SUPT3H: variants seen among roughly 807,000 people sequenced by gnomAD.
SUPT3H encodes the protein transcription initiation protein SPT3 homolog.
In SUPT3H, 44 loss-of-function variants were observed where a neutral mutation model predicts 44.3. The ratio of observed to expected loss-of-function variants is 0.99; its 90% CI spans 0.78 to 1.28. The LOEUF (loss-of-function observed/expected upper bound fraction) is 1.28, where lower values mean the gene tolerates loss of function less well. Ranked by LOEUF, SUPT3H falls within the 50% of genes most tolerant of loss-of-function variation. SUPT3H has a pLI of 0.00. For missense variants in SUPT3H, 380 were observed against 387.1 expected (o/e 0.98, Z 0.15); for synonymous variants, 124 against 125.6 (o/e 0.99, Z 0.09).
intron 2 of SUPT3H, among the ~76,000 whole-genome samples, chr6:45,189,841 T>C (rs1169957734): frequency 6.6e-6 from 1 of 152,156 alleles, no homozygotes; most frequent in Non-Finnish European, 1.5e-5. Context: ...TCCCAAGTTA[T>C]ATGTAACACA....
intron 10 of SUPT3H, among the ~76,000 whole-genome samples, chr6:44,876,572 G>T (rs77726179): frequency 6.7e-6 from 1 of 149,010 alleles, no homozygotes; most frequent in Admixed American, 6.7e-5. Flanking sequence ...GTTAGTGGGT[G>T]CAGCGCACCA....
chr6:45,367,864 G>A (rs1184244992), intron 1 of SUPT3H, among the ~76,000 whole-genome samples: 2 of 152,086 alleles, frequency 1.3e-5, no homozygotes, highest in Admixed American at 1.3e-4. Flanking sequence ...TCAAACAGGT[G>A]AATAACATTT....
intron 2 of SUPT3H, among the ~76,000 whole-genome samples, chr6:45,203,413 C>CCAG (rs1762726089): frequency 6.6e-6 from 1 of 152,086 alleles, no homozygotes; most frequent in African/African-American, 2.4e-5. Context: ...CTTTAGTTCC[C>CCAG]CAGCAGCACC....
chr6:45,229,496 T>C (rs1368629910), intron 2 of SUPT3H, among the ~76,000 whole-genome samples: 2 of 152,164 alleles, frequency 1.3e-5, no homozygotes, highest in South Asian at 2.1e-4. Flanking sequence ...TGAGTACTTA[T>C]TACATTCCAG....
At chr6:44,927,957 CCATAGCTA>C (rs1769795391) in intron 10 of SUPT3H, among the ~76,000 whole-genome samples, 1 of 152,044 alleles carries the variant, frequency 6.6e-6, no homozygotes, top group South Asian at 2.1e-4. Context: ...AAAAAATATA[CCATAGCTA>C]CTACTACTTC....
intron 10 of SUPT3H, among the ~76,000 whole-genome samples, chr6:44,901,532 CA>C (rs1765053066): frequency 1.3e-5 from 2 of 151,662 alleles, no homozygotes; most frequent in South Asian, 4.2e-4. Context: ...GTGAAAAGAC[CA>C]AATCTACGTC....
intron 2 of SUPT3H, among the ~76,000 whole-genome samples, chr6:45,235,029 A>G (rs965158614): frequency 2.0e-5 from 3 of 152,230 alleles, no homozygotes; most frequent in African/African-American, 7.2e-5. Context: ...GATTTAGGAA[A>G]AAAATGACAC....
intron 10 of SUPT3H, among the ~76,000 whole-genome samples, chr6:44,920,015 A>T (rs746091597): frequency 3.3e-5 from 5 of 151,994 alleles, no homozygotes; most frequent in Non-Finnish European, 7.4e-5. Context: ...AGTAGCTGGG[A>T]TTACAGGCGC....
chr6:45,230,498 GGTTTT>G (rs1767759141), intron 2 of SUPT3H, among the ~76,000 whole-genome samples: 1 of 150,026 alleles, frequency 6.7e-6, no homozygotes, highest in Non-Finnish European at 1.5e-5. Context: ...TTTTTTTATG[GGTTTT>G]GTTTTATCTA....
intron 2 of SUPT3H, among the ~76,000 whole-genome samples, chr6:45,362,473 T>C (rs1794432374): frequency 6.6e-6 from 1 of 152,190 alleles, no homozygotes; most frequent in Non-Finnish European, 1.5e-5. Context: ...ACTTTCTCAT[T>C]TGAAATATAC....
At chr6:44,887,358 A>G (rs1015681814) in intron 10 of SUPT3H, among the ~76,000 whole-genome samples, 1 of 152,190 alleles carries the variant, frequency 6.6e-6, no homozygotes, top group Non-Finnish European at 1.5e-5. Context: ...AATTGACCAC[A>G]CGGTTGGAAA....
rs1316471981 is a variant in SUPT3H at position 45,102,419 on chromosome 6, T to C, written c.186+3503A>G. 2.0e-5 allele frequency among the ~76,000 whole-genome samples: 3 copies of C among 152,038 alleles called. No homozygotes were observed. In the East Asian group the frequency reaches 5.8e-4, roughly 29 times the overall value. On this transcript the variant is annotated intron_variant, in intron 3 of 10. Coordinates refer to ENST00000371459, the MANE Select transcript of SUPT3H (RefSeq NM_003599.4). ...TGTCTACAATATGGGGGAGAAAACA[T>C]TTTATGTCCAGCCAAGTTACCTGCC...
chr6:44,971,717 T>G lies in SUPT3H; in HGVS notation c.505-9889A>C, dbSNP rs181748080. 2.6e-5 allele frequency among the ~76,000 whole-genome samples: 4 copies of G among 152,316 alleles called. No individual in the cohort carries two copies. The East Asian group carries it at 7.7e-4, about 29-fold the overall frequency. ...CCATCCCAGCTCCTCCCAGATCTCATGTCCTCACATTTCAAAACCAATCAT... is the reference window on the plus strand; with the variant it reads ...CCATCCCAGCTCCTCCCAGATCTCAGGTCCTCACATTTCAAAACCAATCAT... On this transcript the variant is annotated intron_variant, in intron 6 of 10. Transcript: ENST00000371459.
chr6:45,302,157 T>G (rs946736799), intron 2 of SUPT3H, among the ~76,000 whole-genome samples: 1 of 152,062 alleles, frequency 6.6e-6, no homozygotes, highest in African/African-American at 2.4e-5. Context: ...TTTGGTCACA[T>G]GAGTAAGTTT....
At chr6:45,263,915 TTA>T (rs1244932316) in intron 2 of SUPT3H, among the ~76,000 whole-genome samples, 2 of 152,184 alleles carry the variant, frequency 1.3e-5, no homozygotes, top group African/African-American at 4.8e-5. Flanking sequence ...TTTAGGAAAA[TTA>T]TGTTACCTGA....
chr6:45,176,306 G>A (rs1004134950), intron 2 of SUPT3H, among the ~76,000 whole-genome samples: 5 of 151,782 alleles, frequency 3.3e-5, no homozygotes, highest in Non-Finnish European at 7.4e-5. Flanking sequence ...GTCAAAGAAA[G>A]GGGTGACGGA....
At chr6:45,191,155 A>G (rs932436599) in intron 2 of SUPT3H, among the ~76,000 whole-genome samples, 1 of 152,128 alleles carries the variant, frequency 6.6e-6, no homozygotes, top group Non-Finnish European at 1.5e-5. Flanking sequence ...TGCCAAAACT[A>G]GTAAGCAACC....
chr6:44,953,541 T>C (rs1453522806), intron 8 of SUPT3H, 124 bp from the exon 9 acceptor site: 1 of 719,298 alleles, frequency 1.4e-6, no homozygotes, highest in Non-Finnish European at 2.4e-6. Context: ...AAAATCTATA[T>C]TGTAGACATG....
At chr6:45,182,317 G>C (rs1273785763) in intron 2 of SUPT3H, among the ~76,000 whole-genome samples, 1 of 152,120 alleles carries the variant, frequency 6.6e-6, no homozygotes, top group Non-Finnish European at 1.5e-5. Context: ...CTGGAGTGTA[G>C]TGGCGCAATC....
Sources: allele counts gnomAD v4.1 joint callset (sites outside exome capture counted in the v4.1 genomes callset), GRCh38; gene constraint gnomAD v4.1.1; transcripts MANE v1.5; gene names NCBI Gene and HGNC (gene_info 2026-07-23, HGNC 2026-07-21).